The following BCLAF1 variants were observed in gnomAD, a reference collection of about 807,000 sequenced individuals.
The protein encoded by BCLAF1 is bcl-2-associated transcription factor 1.
A neutral mutation model predicts 99.5 loss-of-function variants in BCLAF1; 10 were observed. That is an observed-to-expected ratio of 0.10 (90% CI 0.06 to 0.17). The LOEUF (loss-of-function observed/expected upper bound fraction) is 0.17. Among genes scored for constraint, BCLAF1 ranks in the 10% least tolerant of loss-of-function variants. BCLAF1 has a pLI of 1.00. For synonymous variants in BCLAF1, 255 were observed against 370.9 expected (o/e 0.69, Z 3.59); for missense variants, 636 against 1,105.8 (o/e 0.58, Z 6.02).
intron 2 of BCLAF1, among the ~76,000 whole-genome samples, chr6:136,281,929 C>A (rs1356775006): frequency 6.6e-6 from 1 of 152,124 alleles, no homozygotes; most frequent in African/African-American, 2.4e-5. Flanking sequence ...TAAAGGTTTG[C>A]GTTTTGCTTT....
rs1259582954 is a variant in BCLAF1 at position 136,257,049 on chromosome 6, G to A, written c.*4061C>T. On this transcript the variant is annotated 3_prime_UTR_variant, in exon 13 of 13. Transcript: ENST00000531224. Reference sequence around the variant, plus strand: ...CAGAGCTCATTATTAATGAAATCTGGAAGCTGGCCAACCCCAAAAGATTAA... The same window carrying A: ...CAGAGCTCATTATTAATGAAATCTGAAAGCTGGCCAACCCCAAAAGATTAA... The A allele has an allele frequency of 6.6e-6, 1 of 152,126 alleles. No homozygotes were observed. 9.4% of individuals were successfully genotyped at this position (152,126 alleles called of 1,614,324 possible). A position where few individuals can be genotyped will look rare whatever the true frequency, so the allele number is the denominator to read the frequency against.
Position 136,273,175 on chromosome 6 carries a change from T to G in BCLAF1, c.1865A>C (p.Lys622Thr), listed in dbSNP as rs993850663. The change falls in exon 7 of 13, where the codon AAG becomes ACG. Residue 622 changes from lysine (K) to threonine (T), a missense_variant. Around this residue, in one of 9 missense-constraint regions of BCLAF1, gnomAD observed 180 missense variants for 270.0 expected, o/e 0.67. Transcript: ENST00000531224. ...CTCGTTTAGGGTCATTGCAGCTGAC[T>G]TGAAGTATTGCTCTGTTGATTTAGA... ...LVHHVKEQYF[K>T]SAAMTLNERF... 1 of 1,611,702 alleles carries G rather than the reference T, an allele frequency of 6.2e-7. No homozygotes were observed. The highest frequency in any genetic ancestry group is 8.5e-7 in the Non-Finnish European group (1 of 1,178,346).
intron 1 of BCLAF1, among the ~76,000 whole-genome samples, chr6:136,288,562 A>G (rs980022205): frequency 1.3e-5 from 2 of 152,242 alleles, no homozygotes; most frequent in Non-Finnish European, 2.9e-5. Flanking sequence ...AATTTAAAAG[A>G]GGCTGTTGCA....
At position 136,278,195 on chromosome 6, in the gene BCLAF1, G is replaced by C. The variant is rs753799977; in HGVS notation, c.686C>G (p.Pro229Arg). The change falls in exon 4 of 13, where the codon CCT (proline) becomes CGT (arginine). Residue 229 changes from proline to arginine, a missense_variant. By Grantham distance (103) the Pro-to-Arg change is moderately radical. Coordinates refer to ENST00000531224, the MANE Select transcript of BCLAF1 (RefSeq NM_014739.3). Reference sequence around the variant, plus strand: ...ACTAGGTGGTGTAGCAATAGGTGAAGGACTATGGGGTGATCTAGGACTATT... The same window carrying C: ...ACTAGGTGGTGTAGCAATAGGTGAACGACTATGGGGTGATCTAGGACTATT... ...YDNSPRSPHS[P>R]SPIATPPSQS... is the part of the protein sequence containing the mutation. 8.7e-6 allele frequency: 14 copies of C among 1,613,858 alleles called. No homozygotes were observed. In the African/African-American group the frequency reaches 1.9e-4, roughly 22 times the overall value.
rs9942486 is a variant in BCLAF1, at chr6:136,275,908, C to A, written c.1617G>T (p.Ala539=). Residue 539 remains alanine (A), a synonymous_variant, in exon 5 of 13, where the codon GCG becomes GCT. Transcript: ENST00000531224. ...TGACTTCAGGACGGTGAGAATCACT[C>A]GCTATCATTTTGATCCTAAGTGGGC... ...EESPLRIKMI[A]SDSHRPEVKL... The A allele has an allele frequency of 3.7e-6, 6 of 1,612,304 alleles. No individual in the cohort carries two copies. In the South Asian group the frequency reaches 5.5e-5, roughly 15 times the overall value.
chr6:136,275,779 T>G, intron 5 of BCLAF1, 64 bp downstream of exon 5: 1 of 1,568,128 alleles, frequency 6.4e-7, no homozygotes, highest in Non-Finnish European at 8.6e-7. Context: ...TCAGAAAGTT[T>G]AAGATAATTA....
chr6:136,289,389 G>A (rs1020036677), intron 1 of BCLAF1, among the ~76,000 whole-genome samples: 1 of 152,190 alleles, frequency 6.6e-6, no homozygotes, highest in Non-Finnish European at 1.5e-5. Flanking sequence ...GCAGAGGTAC[G>A]GGCTGAAGAA....
Position 136,273,158 on chromosome 6 carries a change from G to A in BCLAF1, c.1882C>T (p.Leu628=), listed in dbSNP as rs781510464. The A allele has an allele frequency of 6.2e-7, 1 of 1,612,094 alleles. No individual in the cohort carries two copies. Among genetic ancestry groups the A allele is most frequent in the East Asian group, 2.2e-5 (1 of 44,846 alleles). The stretch of plus-strand genomic sequence containing the variant: ...TGATACGAAGTGAACCGCTCGTTTA[G>A]GGTCATTGCAGCTGACTTGAAGTAT... ...EQYFKSAAMT[L]NERFTSYQKA... The change falls in exon 7 of 13, where the codon CTA becomes TTA. Residue 628 remains leucine, a synonymous_variant. Coordinates refer to ENST00000531224, the MANE Select transcript of BCLAF1 (RefSeq NM_014739.3).
chr6:136,266,100 T>C (rs1294132136), intron 11 of BCLAF1, among the ~76,000 whole-genome samples: 3 of 152,080 alleles, frequency 2.0e-5, no homozygotes, highest in Non-Finnish European at 4.4e-5. Flanking sequence ...AATGGAAATA[T>C]ATTTTTGAAA....
In BCLAF1 at chr6:136,276,011, A is replaced by G. The variant is rs1231984924; in HGVS notation, c.1514T>C (p.Leu505Pro). The change falls in exon 5 of 13, where the codon CTC becomes CCC. Residue 505 changes from leucine (L) to proline (P), a missense_variant. By Grantham distance (98) the Leu-to-Pro change is moderately conservative (BLOSUM62 -3). This residue lies in a region of BCLAF1 where 186 missense variants were observed against 275.3 expected (regional missense o/e 0.68). Coordinates refer to ENST00000531224, the MANE Select transcript of BCLAF1 (RefSeq NM_014739.3). ...QSPEQVKSEKLKDLFDYSPPL... is the reference protein window; with the variant it reads ...QSPEQVKSEKPKDLFDYSPPL... ...GGGACTGTAATCAAAGAGGTCTTTG[A>G]GCTTTTCAGACTTTACCTGCTCAGG... 1 of 1,610,772 alleles carries G rather than the reference A, an allele frequency of 6.2e-7. No homozygotes were observed. The highest frequency in any genetic ancestry group is 2.2e-5 in the East Asian group (1 of 44,770).
intron 6 of BCLAF1, among the ~76,000 whole-genome samples, chr6:136,274,410 TA>T (rs199726419): frequency 8.8e-5 from 13 of 147,610 alleles, no homozygotes; most frequent in South Asian, 4.3e-4. Flanking sequence ...ATTAAAAAAT[TA>T]AAAAAAAAAG....
intron 8 of BCLAF1, among the ~76,000 whole-genome samples, chr6:136,270,586 A>G (rs540835683): frequency 1.9e-4 from 29 of 152,002 alleles, no homozygotes; most frequent in Non-Finnish European, 3.4e-4. Flanking sequence ...AAATCTAATC[A>G]AGAGCAAAAA....
At position 136,274,300 on chromosome 6, in the gene BCLAF1, T is replaced by TA. The variant is rs1446373137; in HGVS notation, c.1853-1114_1853-1113insT. On this transcript the variant is annotated intron_variant, in intron 6 of 12. Coordinates refer to ENST00000531224, the MANE Select transcript of BCLAF1 (RefSeq NM_014739.3). ...ATTATGAAACATTACTACAGTTCTT[T>TA]TAAAAAAAAAAAAAGAAAAAAGAAA... is the stretch of plus-strand genomic sequence containing the variant. 73 of 153,430 alleles carry TA rather than the reference T, an allele frequency of 4.8e-4. 1 individual carries two copies. Among genetic ancestry groups the TA allele is most frequent in the African/African-American group, 2.3e-3 (19 of 8,154 alleles). The allele number at this position is 153,430 out of a possible 1,614,324, so 9.5% of individuals were successfully genotyped here. A position where few individuals can be genotyped will look rare whatever the true frequency, so the allele number is the denominator to read the frequency against.
chr6:136,266,852 G>A (rs913419284), intron 11 of BCLAF1, among the ~76,000 whole-genome samples, 177 bp downstream of exon 11: 2 of 151,868 alleles, frequency 1.3e-5, no homozygotes, highest in Non-Finnish European at 2.9e-5. Flanking sequence ...GTATGAACAG[G>A]ACTAAAGGGA....
At chr6:136,284,279 G>A (rs1343018171) in intron 1 of BCLAF1, among the ~76,000 whole-genome samples, 1 of 151,642 alleles carries the variant, frequency 6.6e-6, no homozygotes, top group Non-Finnish European at 1.5e-5. Flanking sequence ...TAGACCAGTG[G>A]ATATACATTC....
chr6:136,277,564 C>A (rs1169318612), intron 4 of BCLAF1, among the ~76,000 whole-genome samples: 1 of 152,090 alleles, frequency 6.6e-6, no homozygotes, highest in African/African-American at 2.4e-5. Flanking sequence ...CTTGCTCTAT[C>A]GCCCAGGCTG....
At chr6:136,266,906 A>G in intron 11 of BCLAF1, 123 bp downstream of exon 11, 1 of 1,260,892 alleles carries the variant, frequency 7.9e-7, no homozygotes, top group Non-Finnish European at 1.1e-6. Flanking sequence ...AATTATTTTA[A>G]AAAAGGTTTC....
intron 1 of BCLAF1, among the ~76,000 whole-genome samples, chr6:136,285,625 G>A (rs1455761564): frequency 1.3e-5 from 2 of 152,016 alleles, no homozygotes; most frequent in African/African-American, 2.4e-5. Flanking sequence ...ACAGAAATAA[G>A]GAATAAATTG....
intron 12 of BCLAF1, 69 bp downstream of exon 12, chr6:136,261,196 A>G: frequency 1.3e-6 from 2 of 1,567,206 alleles, no homozygotes; most frequent in East Asian, 2.2e-5. Context: ...GTTCCTAAAA[A>G]TGAAATAATT....
Sources: allele counts gnomAD v4.1 joint callset (sites outside exome capture counted in the v4.1 genomes callset), GRCh38; gene constraint gnomAD v4.1.1; regional missense constraint gnomAD v4.1.1; transcripts MANE v1.5; gene names NCBI Gene and HGNC (gene_info 2026-07-23, HGNC 2026-07-21).